Variants in CAPN8 observed in about 807,000 individuals in gnomAD.
CAPN8 encodes the protein calpain-8.
A neutral mutation model predicts 80.9 loss-of-function variants in CAPN8; 87 were observed. The ratio of observed to expected loss-of-function variants is 1.07; its 90% confidence interval spans 0.90 to 1.28. The LOEUF (loss-of-function observed/expected upper bound fraction) is 1.28. Among genes scored for constraint, CAPN8 ranks in the 50% most tolerant of loss-of-function variants. The pLI is 0.00. For missense variants in CAPN8, 757 were observed against 702.0 expected (o/e 1.08, Z -0.89); for synonymous variants, 299 against 273.8 (o/e 1.09, Z -0.91).
intron 1 of CAPN8, among the ~76,000 whole-genome samples, chr1:223,654,842 ATT>A (rs35365292): frequency 0.02 from 2,260 of 111,708 alleles, 33 homozygotes; most frequent in East Asian, 0.059. Flanking sequence ...CACCCGGCTA[ATT>A]TTTTTTTTTT....
intron 2 of CAPN8, among the ~76,000 whole-genome samples, chr1:223,653,260 C>T (rs1658388788): frequency 6.6e-6 from 1 of 151,250 alleles, no homozygotes; most frequent in African/African-American, 2.4e-5. Flanking sequence ...CGAATCGTTC[C>T]CGCTGCTTGA....
intron 2 of CAPN8, among the ~76,000 whole-genome samples, chr1:223,653,700 G>A (rs980660907): frequency 6.6e-6 from 1 of 152,126 alleles, no homozygotes; most frequent in Non-Finnish European, 1.5e-5. Flanking sequence ...GGTATCGGGA[G>A]GGCTTATGAA....
chr1:223,632,981 G>C (rs751846063), intron 2 of CAPN8, among the ~76,000 whole-genome samples: 5 of 152,212 alleles, frequency 3.3e-5, no homozygotes, highest in Non-Finnish European at 7.3e-5. Flanking sequence ...GAGGTGCAGA[G>C]CCAGCTTGCA....
rs187267148 is a variant in CAPN8, at chr1:223,545,259, G to A, written c.1805C>T (p.Thr602Met). 5.5e-5 allele frequency: 86 copies of A among 1,551,670 alleles called. No homozygotes were observed. The Middle Eastern group carries it at 6.7e-4, about 12-fold the overall frequency. Residue 602 changes from threonine to methionine, a missense_variant, in exon 17 of 21, where the codon ACG (threonine) becomes ATG (methionine). By Grantham distance (81) the Thr-to-Met change is moderately conservative. Transcript: ENST00000366872. ...ATACTTCTGAATCTTCAGCCAGAGCGTCTTGAATTCCACCGCCCCCAAAGT... is the reference window on the plus strand; with the variant it reads ...ATACTTCTGAATCTTCAGCCAGAGCATCTTGAATTCCACCGCCCCCAAAGT... ...TGTLGAVEFK[T>M]LWLKIQKYLE...
chr1:223,547,301 G>A (rs1656650122), intron 16 of CAPN8, among the ~76,000 whole-genome samples: 1 of 152,192 alleles, frequency 6.6e-6, no homozygotes, highest in African/African-American at 2.4e-5. Context: ...GGGTGATAAA[G>A]TACTGATACA....
At chr1:223,660,891 G>A (rs1327312465) in intron 1 of CAPN8, among the ~76,000 whole-genome samples, 1 of 152,206 alleles carries the variant, frequency 6.6e-6, no homozygotes, top group Non-Finnish European at 1.5e-5. Flanking sequence ...AAGGGGCTGG[G>A]CACAATAGCT....
In CAPN8 at chr1:223,541,745, C is replaced by T; in HGVS notation, c.*91G>A. On this transcript the variant is annotated 3_prime_UTR_variant, in exon 21 of 21. Coordinates refer to ENST00000366872, the MANE Select transcript of CAPN8 (RefSeq NM_001143962.2). Reference sequence around the variant, plus strand: ...AGGTATGAACAACCAGTGAATGCCACTGGAGCATAAATGTTCACAAAATTG... The same window carrying T: ...AGGTATGAACAACCAGTGAATGCCATTGGAGCATAAATGTTCACAAAATTG... 1 of 1,542,604 alleles carries T rather than the reference C, an allele frequency of 6.5e-7. No individual in the cohort carries two copies. The highest frequency in any genetic ancestry group is 8.8e-7 in the Non-Finnish European group (1 of 1,139,412).
At chr1:223,627,707 A>C (rs1256562046) in intron 4 of CAPN8, among the ~76,000 whole-genome samples, 2 of 152,210 alleles carry the variant, frequency 1.3e-5, no homozygotes, top group Non-Finnish European at 2.9e-5. Flanking sequence ...AAACGTTTAC[A>C]TTGCCCCAGG....
At chr1:223,644,164 C>T in intron 2 of CAPN8, 1 of 360,910 alleles carries the variant, frequency 2.8e-6, no homozygotes, top group Non-Finnish European at 5.3e-6. Context: ...CATGATCCAA[C>T]CCAGTTGTTT....
intron 1 of CAPN8, among the ~76,000 whole-genome samples, chr1:223,658,882 C>T (rs1295370350): frequency 6.6e-6 from 1 of 152,134 alleles, no homozygotes; most frequent in Non-Finnish European, 1.5e-5. Flanking sequence ...AGAACTTACC[C>T]CAAATCTCTC....
chr1:223,548,200 G>A (rs1301992972), intron 16 of CAPN8, among the ~76,000 whole-genome samples: 1 of 151,838 alleles, frequency 6.6e-6, no homozygotes, highest in African/African-American at 2.4e-5. Flanking sequence ...AGGCCCCAAG[G>A]AACTGAGAAA....
chr1:223,665,623 T>A lies in CAPN8; in HGVS notation c.24A>T (p.Val8=). Residue 8 remains valine (V), a synonymous_variant, in exon 1 of 21, where the codon GTA becomes GTT. Coordinates refer to ENST00000366872, the MANE Select transcript of CAPN8 (RefSeq NM_001143962.2). The part of the protein sequence containing the change: MAAQAAG[V]SRQRAATQGL... ...CTTGAGTGGCTGCCCGCTGCCTAGA[T>A]ACACCAGCTGCCTGGGCTGCCATGG... is the stretch of plus-strand genomic sequence containing the variant. The A allele has an allele frequency of 1.3e-6, 2 of 1,551,538 alleles. No individual in the cohort carries two copies. The highest frequency in any genetic ancestry group is 2.4e-5 in the South Asian group (2 of 84,044).
chr1:223,617,168 A>T (rs1056355665), intron 9 of CAPN8: 2 of 152,170 alleles, frequency 1.3e-5, no homozygotes, highest in Non-Finnish European at 2.9e-5. Flanking sequence ...TCTAACTTGG[A>T]AAATAACAAG....
In CAPN8 at chr1:223,553,872, T is replaced by A; in HGVS notation, c.1601A>T (p.Asp534Val). ...CTCAAACAGCCTCCTGAACTGGTCA[T>A]CTTCCTGATCCACCTCACTGGGATG... ...EPHPSEVDQE[D>V]DQFRRLFEKL... Residue 534 changes from aspartate to valine, a missense_variant, in exon 14 of 21, where the codon GAT (aspartate) becomes GTT (valine). Transcript: ENST00000366872. 3 of 398,696 alleles carry A rather than the reference T, an allele frequency of 7.5e-6. No individual in the cohort carries two copies. Among genetic ancestry groups the A allele is most frequent in the Admixed American group, 8.8e-5 (2 of 22,740 alleles). 24.7% of individuals were successfully genotyped at this position (398,696 alleles called of 1,614,324 possible). A position where few individuals can be genotyped will look rare whatever the true frequency, so the allele number is the denominator to read the frequency against.
At chr1:223,618,441 C>T (rs766511337) in intron 9 of CAPN8, among the ~76,000 whole-genome samples, 3 of 152,236 alleles carry the variant, frequency 2.0e-5, no homozygotes, top group Non-Finnish European at 4.4e-5. Flanking sequence ...GTGGCCATCA[C>T]GGCCCACGCT....
chr1:223,661,984 T>C (rs372783874), intron 1 of CAPN8, among the ~76,000 whole-genome samples: 3 of 152,122 alleles, frequency 2.0e-5, no homozygotes, highest in African/African-American at 7.2e-5. Context: ...CTATTCAACC[T>C]TTGAAAGGAA....
At chr1:223,631,117 T>C (rs35973928) in intron 2 of CAPN8, among the ~76,000 whole-genome samples, 111,475 of 151,894 alleles carry the variant, frequency 0.73, 41,398 homozygotes, top group African/African-American at 0.84. Flanking sequence ...CTTGGATATG[T>C]ACAAAACATA....
chr1:223,557,402 A>G (rs1656929208), intron 13 of CAPN8, among the ~76,000 whole-genome samples: 2 of 140,928 alleles, frequency 1.4e-5, no homozygotes, highest in Non-Finnish European at 3.1e-5. Context: ...GAGGGGTAGA[A>G]GCTGGGCCTG....
rs181215684 is a variant in CAPN8, at chr1:223,656,417, G to T, written c.238-2018C>A. ...GGAGGTTGCAGTAAGCCAAGATCAC[G>T]CCATTGCACTCCAGCTTGGGCAACA... On this transcript the variant is annotated intron_variant, in intron 1 of 20. Coordinates refer to ENST00000366872, the MANE Select transcript of CAPN8 (RefSeq NM_001143962.2). Among the ~76,000 whole-genome samples, 21 of 151,948 alleles carry T rather than the reference G, an allele frequency of 1.4e-4. No homozygotes were observed. In the East Asian group the frequency reaches 2.9e-3, roughly 21 times the overall value.
Sources: gnomAD v4.1 joint callset for allele counts (sites outside exome capture counted in the v4.1 genomes callset) on GRCh38, gnomAD v4.1.1 for gene constraint, MANE v1.5 for transcripts, NCBI Gene and HGNC (gene_info 2026-07-23, HGNC 2026-07-21) for gene names.